Variants in LIN54 observed in about 807,000 individuals in gnomAD.
LIN54 encodes lin-54 DREAM MuvB core complex component, also known as protein lin-54 homolog.
Under a neutral mutation model 78.7 loss-of-function variants are expected in LIN54, and 9 were observed. The ratio of observed to expected loss-of-function variants is 0.11; its 90% CI spans 0.07 to 0.20. The LOEUF (loss-of-function observed/expected upper bound fraction) is 0.20, where lower values mean the gene tolerates loss of function less well. Ranked by LOEUF, LIN54 falls within the 10% of genes least tolerant of loss-of-function variation. The pLI is 1.00. For missense variants in LIN54, 573 were observed against 889.9 expected, an observed-to-expected ratio of 0.64 and a Z score of 4.53; for synonymous variants, 269 against 318.4, an observed-to-expected ratio of 0.84 and a Z score of 1.65.
At chr4:82,984,021 C>T (rs1726906098) in intron 2 of LIN54, 140 bp downstream of exon 2, 3 of 637,684 alleles carry the variant, frequency 4.7e-6, no homozygotes, top group Non-Finnish European at 7.8e-6. Context: ...CTTAAAAACA[C>T]ACACACACAA....
chr4:82,959,844 T>C (rs1261596102), intron 4 of LIN54, among the ~76,000 whole-genome samples: 1 of 152,166 alleles, frequency 6.6e-6, no homozygotes, highest in Admixed American at 6.5e-5. Context: ...TGTAATAATA[T>C]ATTAATATTT....
rs1407124949 is a variant in LIN54 at position 82,927,883 on chromosome 4, GAA to G, written c.*217_*218del. The G allele has an allele frequency of 4.3e-6, 2 of 462,406 alleles. No homozygotes were observed. Among genetic ancestry groups the G allele is most frequent in the Non-Finnish European group, 7.6e-6 (2 of 262,402 alleles). The allele number at this position is 462,406 out of a possible 1,614,324, so 28.6% of individuals were successfully genotyped here. A position where few individuals can be genotyped will look rare whatever the true frequency, so the allele number is the denominator to read the frequency against. On this transcript the variant is annotated 3_prime_UTR_variant, in exon 13 of 13. Coordinates refer to ENST00000340417, the MANE Select transcript of LIN54 (RefSeq NM_194282.4). ...CAAATTAAAAAATCTATATAATAAA[GAA>G]AAATTCAATTTAGAAGGGGCATAAG...
intron 4 of LIN54, among the ~76,000 whole-genome samples, chr4:82,949,388 TTTGTTG>T (rs57137614): frequency 4.0e-5 from 6 of 151,074 alleles, no homozygotes; most frequent in South Asian, 2.1e-4. Flanking sequence ...TATGAGTTCT[TTTGTTG>T]TTGTTGTTGT....
At chr4:82,965,645 A>C (rs1305694511) in intron 4 of LIN54, among the ~76,000 whole-genome samples, 1 of 152,242 alleles carries the variant, frequency 6.6e-6, no homozygotes, top group Non-Finnish European at 1.5e-5. Context: ...TGAACTCCAG[A>C]AAAGGCACAG....
chr4:82,945,783 C>T (rs943981621), intron 5 of LIN54, among the ~76,000 whole-genome samples: 8 of 152,132 alleles, frequency 5.3e-5, no homozygotes, highest in Admixed American at 3.9e-4. Context: ...TGTGAGCCAC[C>T]GTGCCTGGCC....
chr4:83,012,535 G>A (rs527774500), upstream of LIN54, among the ~76,000 whole-genome samples: 16 of 152,172 alleles, frequency 1.1e-4, no homozygotes, highest in African/African-American at 3.6e-4. Context: ...TGGCCCTGCC[G>A]GGTGACAGCC....
intron 5 of LIN54, among the ~76,000 whole-genome samples, chr4:82,945,550 G>C (rs974981016): frequency 1.3e-5 from 2 of 151,994 alleles, no homozygotes; most frequent in Admixed American, 6.6e-5. Context: ...CTGGTGTGCA[G>C]TGGCATGATC....
chr4:82,993,065 G>A (rs1050915889), intron 1 of LIN54, among the ~76,000 whole-genome samples: 2 of 149,494 alleles, frequency 1.3e-5, no homozygotes, highest in Non-Finnish European at 1.5e-5. Flanking sequence ...GTTTTACCAC[G>A]TTGCCTAGGC....
chr4:82,949,845 C>CTT (rs370091580), intron 4 of LIN54, among the ~76,000 whole-genome samples: 50,763 of 126,234 alleles, frequency 0.4, 12,433 homozygotes, highest in Non-Finnish European at 0.54. Context: ...TTTATTTTTG[C>CTT]TTTTTTTTTT....
chr4:82,977,042 A>G (rs1020767900), intron 3 of LIN54, among the ~76,000 whole-genome samples: 1 of 152,198 alleles, frequency 6.6e-6, no homozygotes, highest in Non-Finnish European at 1.5e-5. Flanking sequence ...GACATTTATA[A>G]AAGTCTATGA....
intron 1 of LIN54, among the ~76,000 whole-genome samples, chr4:82,998,088 A>G (rs941871546): frequency 6.7e-6 from 1 of 149,536 alleles, no homozygotes; most frequent in South Asian, 2.1e-4. Flanking sequence ...ACTAAATGAC[A>G]TATCTGCTTT....
At chr4:82,990,346 G>C (rs1727559862) in intron 1 of LIN54, among the ~76,000 whole-genome samples, 1 of 152,194 alleles carries the variant, frequency 6.6e-6, no homozygotes, top group African/African-American at 2.4e-5. Flanking sequence ...GTACAGCAAG[G>C]AACATGAGCA....
intron 4 of LIN54, among the ~76,000 whole-genome samples, chr4:82,967,677 G>C (rs917650556): frequency 6.6e-6 from 1 of 152,170 alleles, no homozygotes; most frequent in Non-Finnish European, 1.5e-5. Context: ...AGGGAACTTG[G>C]CAATGTGGCA....
intron 1 of LIN54, among the ~76,000 whole-genome samples, chr4:82,985,331 T>A (rs998600271): frequency 6.6e-6 from 1 of 152,238 alleles, no homozygotes; most frequent in South Asian, 2.1e-4. Flanking sequence ...AAATCTCCAA[T>A]GAGCTACGTC....
chr4:83,005,147 C>T (rs527647365), intron 1 of LIN54, among the ~76,000 whole-genome samples: 122 of 152,240 alleles, frequency 8.0e-4, no homozygotes, highest in Non-Finnish European at 1.5e-3. Flanking sequence ...CCACCCACCT[C>T]GGCCTCCTGA....
At chr4:82,964,056 CT>C (rs60065504) in intron 4 of LIN54, among the ~76,000 whole-genome samples, 77,793 of 145,368 alleles carry the variant, frequency 0.54, 22,009 homozygotes, top group East Asian at 0.78. Flanking sequence ...TCCCTCCCTC[CT>C]TTTTTTTTTT....
intron 1 of LIN54, among the ~76,000 whole-genome samples, chr4:83,005,513 C>G (rs886725166): frequency 6.6e-6 from 1 of 151,426 alleles, no homozygotes; most frequent in African/African-American, 2.4e-5. Context: ...CCTGTAGTCC[C>G]AGTTAGGAGG....
intron 1 of LIN54, among the ~76,000 whole-genome samples, chr4:83,001,876 AAGG>A (rs1379667590): frequency 0.36 from 325 of 906 alleles, 82 homozygotes; most frequent in Middle Eastern, 1. Flanking sequence ...GGAAGGAAGG[AAGG>A]AAGGAAGGAA....
intron 7 of LIN54, among the ~76,000 whole-genome samples, chr4:82,938,911 A>G (rs1435997100): frequency 2.0e-5 from 3 of 152,266 alleles, no homozygotes; most frequent in Admixed American, 6.5e-5. Flanking sequence ...AGTTACATGC[A>G]CAATAGTTGA....
Sources: gnomAD v4.1 joint callset for allele counts (sites outside exome capture counted in the v4.1 genomes callset) on GRCh38, gnomAD v4.1.1 for gene constraint, MANE v1.5 for transcripts, NCBI Gene and HGNC (gene_info 2026-07-23, HGNC 2026-07-21) for gene names.